Variants in ASF1B observed in about 807,000 individuals in gnomAD.
ASF1B encodes anti-silencing function 1B histone chaperone.
In ASF1B, 10 loss-of-function variants were observed where a neutral mutation model predicts 16.6. That is an observed-to-expected ratio of 0.60 (90% CI 0.37 to 1.02). The LOEUF (loss-of-function observed/expected upper bound fraction) is 1.02. ASF1B is among the 50% of genes least tolerant of loss of function. The pLI is 0.01. For synonymous variants in ASF1B, 101 were observed against 106.2 expected (o/e 0.95, Z 0.30); for missense variants, 240 against 266.0 (o/e 0.90, Z 0.68).
intron 1 of ASF1B, among the ~76,000 whole-genome samples, chr19:14,128,630 C>T (rs1006627260): frequency 6.6e-6 from 1 of 152,166 alleles, no homozygotes; most frequent in African/African-American, 2.4e-5. Flanking sequence ...TTGTGCCACA[C>T]GCCCAGGGAA....
intron 1 of ASF1B, among the ~76,000 whole-genome samples, chr19:14,136,114 C>G (rs1194571948): frequency 6.9e-6 from 1 of 145,592 alleles, no homozygotes; most frequent in Non-Finnish European, 1.5e-5. Context: ...GGGTCTCCAC[C>G]CGGGAGGTCA....
rs201366561 is a variant in ASF1B at position 14,120,685 on chromosome 19, G to A, written c.403-20C>T. The A allele has an allele frequency of 8.6e-5, 138 of 1,612,204 alleles. No homozygotes were observed. In the African/African-American group the frequency reaches 1.6e-3, roughly 19 times the overall value. Reference sequence around the variant, plus strand: ...CTGGAGCTGGGGCAGGAAGAGGAACGTCAACCCTTGTAGGTACGCCCTCTC... The same window carrying A: ...CTGGAGCTGGGGCAGGAAGAGGAACATCAACCCTTGTAGGTACGCCCTCTC... On this transcript the variant is annotated intron_variant, in intron 3 of 3. Transcript: ENST00000263382.
intron 1 of ASF1B, among the ~76,000 whole-genome samples, chr19:14,126,961 G>A (rs925911226): frequency 2.6e-4 from 39 of 152,198 alleles, no homozygotes; most frequent in African/African-American, 8.7e-4. Context: ...TCCCTCTGTT[G>A]CCTAGGCTGG....
rs373059925 is a variant in ASF1B at position 14,126,782 on chromosome 19, T to C, written c.110-545A>G. ...CCACTGTACCTGGCCTGTTTTTGTA[T>C]TTTTAGTAGAGATGGGGTTTCACCA... On this transcript the variant is annotated intron_variant, in intron 1 of 3. Coordinates refer to ENST00000263382, the MANE Select transcript of ASF1B (RefSeq NM_018154.3). Among the ~76,000 whole-genome samples, 103 of 152,308 alleles carry C rather than the reference T, an allele frequency of 6.8e-4. No homozygotes were observed. The South Asian group carries it at 6.8e-3, about 10-fold the overall frequency.
chr19:14,136,412 C>A lies in ASF1B; in HGVS notation c.45G>T (p.Pro15=), dbSNP rs924682967. 3.1e-6 allele frequency: 5 copies of A among 1,613,676 alleles called. No homozygotes were observed. Among genetic ancestry groups the A allele is most frequent in the Non-Finnish European group, 4.2e-6 (5 of 1,179,794 alleles). Residue 15 remains proline (P), a synonymous_variant, in exon 1 of 4, where the codon CCG becomes CCT. Transcript: ENST00000263382. ...SVLNVAVLEN[P]SPFHSPFRFE... is the part of the protein sequence containing the mutation. ...ACCGGAAGGGGCTGTGGAAAGGGCT[C>A]GGGTTCTCCAGGACCGCCACGTTCA...
At chr19:14,131,359 A>G (rs1031322454) in intron 1 of ASF1B, among the ~76,000 whole-genome samples, 5 of 142,804 alleles carry the variant, frequency 3.5e-5, no homozygotes, top group African/African-American at 1.3e-4. Context: ...TAATTTTTGT[A>G]TTTAGTAGAG....
intron 1 of ASF1B, among the ~76,000 whole-genome samples, chr19:14,127,492 C>A (rs1033666919): frequency 6.6e-6 from 1 of 152,148 alleles, no homozygotes; most frequent in African/African-American, 2.4e-5. Context: ...GATTCCAATC[C>A]GGCAGGAGAG....
intron 1 of ASF1B, among the ~76,000 whole-genome samples, chr19:14,131,889 T>G (rs1967410855): frequency 6.6e-6 from 1 of 152,228 alleles, no homozygotes; most frequent in African/African-American, 2.4e-5. Context: ...CTATGACTTA[T>G]TCAACCAGTG....
At chr19:14,121,758 T>C in intron 2 of ASF1B, 50 bp from the exon 3 acceptor site, 2 of 1,505,820 alleles carry the variant, frequency 1.3e-6, no homozygotes, top group South Asian at 2.4e-5. Context: ...CATGCCTCGA[T>C]GTCATTAGTA....
At chr19:14,121,388 C>T in intron 3 of ASF1B, 144 bp downstream of exon 3, 1 of 852,844 alleles carries the variant, frequency 1.2e-6, no homozygotes, top group South Asian at 2.2e-5. Context: ...AGGTCTTTTT[C>T]TCCTCTTCTA....
intron 1 of ASF1B, among the ~76,000 whole-genome samples, chr19:14,132,138 C>T (rs1172342275): frequency 6.6e-6 from 1 of 151,684 alleles, no homozygotes; most frequent in Non-Finnish European, 1.5e-5. Flanking sequence ...TGCAATCCTC[C>T]CACTTCAGCC....
At chr19:14,125,474 GGGAA>G (rs1967304471) in intron 2 of ASF1B, among the ~76,000 whole-genome samples, 1 of 150,816 alleles carries the variant, frequency 6.6e-6, no homozygotes, top group Admixed American at 6.6e-5. Flanking sequence ...ACAGAGGTGG[GGGAA>G]GGGAGGGCCT....
intron 1 of ASF1B, among the ~76,000 whole-genome samples, chr19:14,134,664 C>A (rs1967459046): frequency 6.6e-6 from 1 of 152,204 alleles, no homozygotes; most frequent in Non-Finnish European, 1.5e-5. Flanking sequence ...CAGGCCTTGA[C>A]TTGAAAGGTC....
chr19:14,120,378 T>A lies in ASF1B; in HGVS notation c.*81A>T. On this transcript the variant is annotated 3_prime_UTR_variant, in exon 4 of 4. Coordinates refer to ENST00000263382, the MANE Select transcript of ASF1B (RefSeq NM_018154.3). ...GGATTGCAGCTGATGGCCCCCAAAG[T>A]CCTCTAGATGGGCCCTGCAGGACTC... 1 of 1,416,024 alleles carries A rather than the reference T, an allele frequency of 7.1e-7. No homozygotes were observed. The highest frequency in any genetic ancestry group is 9.7e-7 in the Non-Finnish European group (1 of 1,031,360). 87.7% of individuals were successfully genotyped at this position (1,416,024 alleles called of 1,614,324 possible). A position where few individuals can be genotyped will look rare whatever the true frequency, so the allele number is the denominator to read the frequency against.
intron 1 of ASF1B, among the ~76,000 whole-genome samples, chr19:14,134,761 C>T (rs1967460286): frequency 6.6e-6 from 1 of 151,998 alleles, no homozygotes; most frequent in East Asian, 1.9e-4. Context: ...AGTACATCTA[C>T]GGAAGCACCT....
chr19:14,125,801 C>T (rs1328927610), intron 2 of ASF1B, among the ~76,000 whole-genome samples: 3 of 152,226 alleles, frequency 2.0e-5, no homozygotes, highest in Admixed American at 6.5e-5. Flanking sequence ...AATCCTCCCA[C>T]CTCGGCCTCC....
rs556838240 is a variant in ASF1B at position 14,125,091 on chromosome 19, C to T, written c.225+1031G>A. On this transcript the variant is annotated intron_variant, in intron 2 of 3. Transcript: ENST00000263382. ...AAGCGATTCTCCCGCCGCAGCCTCC[C>T]GAGTAGCTGGGATTACAGGCATGCG... Among the ~76,000 whole-genome samples the T allele has an allele frequency of 6.6e-5, 10 of 152,248 alleles. No homozygotes were observed. In the East Asian group the frequency reaches 7.7e-4, roughly 12 times the overall value.
At chr19:14,124,753 C>T (rs544974042) in intron 2 of ASF1B, among the ~76,000 whole-genome samples, 1 of 152,334 alleles carries the variant, frequency 6.6e-6, no homozygotes, top group African/African-American at 2.4e-5. Flanking sequence ...GCGTCCTTTC[C>T]TCAGCCTACT....
chr19:14,133,394 G>A (rs1046757403), intron 1 of ASF1B, among the ~76,000 whole-genome samples: 2 of 151,994 alleles, frequency 1.3e-5, no homozygotes, highest in Non-Finnish European at 2.9e-5. Flanking sequence ...GAGGCTGGAC[G>A]CAGTGGCTCA....
Sources: gnomAD v4.1 joint callset for allele counts (sites outside exome capture counted in the v4.1 genomes callset) on GRCh38, gnomAD v4.1.1 for gene constraint, MANE v1.5 for transcripts, NCBI Gene and HGNC (gene_info 2026-07-23, HGNC 2026-07-21) for gene names.